Variants in CPHXL2 observed in about 807,000 individuals in gnomAD.
CPHXL2 encodes the protein cytoplasmic polyadenylated homeobox like 2, also known as cytoplasmic polyadenylated homeobox-like protein 2.
chr16:75,662,470 C>G, the CPHXL2 span, among the ~76,000 whole-genome samples: 1 of 151,992 alleles, frequency 6.6e-6, no homozygotes. Flanking sequence ...AGTCCCAACC[C>G]TCTAATCCTG....
At chr16:75,664,890 A>T in the CPHXL2 span, among the ~76,000 whole-genome samples, 3 of 152,178 alleles carry the variant, frequency 2.0e-5, no homozygotes, top group East Asian at 5.8e-4. Context: ...CTTGGTCCCC[A>T]CCAGCAAGAA....
the CPHXL2 span, among the ~76,000 whole-genome samples, chr16:75,666,608 CA>C: frequency 0.12 from 7,967 of 65,118 alleles, 126 homozygotes; most frequent in East Asian, 0.18. Context: ...AACTCTATCT[CA>C]AAAAAAAAAA....
At chr16:75,661,660 A>G in the CPHXL2 span, among the ~76,000 whole-genome samples, 1 of 151,808 alleles carries the variant, frequency 6.6e-6, no homozygotes, top group African/African-American at 2.4e-5. Context: ...TACTTTACTC[A>G]TGCTCTTCCA....
At chr16:75,671,941 T>C in the CPHXL2 span, among the ~76,000 whole-genome samples, 4 of 152,022 alleles carry the variant, frequency 2.6e-5, no homozygotes, top group East Asian at 7.7e-4. Context: ...GTGGCTAGAA[T>C]GGGGCGAGCC....
chr16:75,667,282 AGCCTGG>A, the CPHXL2 span, among the ~76,000 whole-genome samples: 1 of 150,312 alleles, frequency 6.7e-6, no homozygotes, highest in Non-Finnish European at 1.5e-5. Flanking sequence ...ACTGTACTCC[AGCCTGG>A]GCGACAGAGG....
chr16:75,667,132 T>C, the CPHXL2 span, among the ~76,000 whole-genome samples: 1 of 151,690 alleles, frequency 6.6e-6, no homozygotes, highest in Non-Finnish European at 1.5e-5. Flanking sequence ...GCCAATATGG[T>C]GAAACCCTGC....
chr16:75,676,849 C>G, the CPHXL2 span: 21 of 397,352 alleles, frequency 5.3e-5, no homozygotes, highest in Non-Finnish European at 9.3e-5. Flanking sequence ...TGTTGTACCC[C>G]CAGTGAATAA....
chr16:75,666,831 A>T, the CPHXL2 span, among the ~76,000 whole-genome samples: 2 of 152,198 alleles, frequency 1.3e-5, no homozygotes, highest in Non-Finnish European at 2.9e-5. Flanking sequence ...ATGATAGGTC[A>T]CAAAACAAGT....
the CPHXL2 span, among the ~76,000 whole-genome samples, chr16:75,663,380 CACCAAAACTCATCTTGAAACTGTAA>C: frequency 6.6e-6 from 1 of 152,144 alleles, no homozygotes; most frequent in African/African-American, 2.4e-5. Flanking sequence ...TAAATGTCCG[CACCAAAACTCATCTTGAAACTGTAA>C]ACCAAAAATA....
the CPHXL2 span, among the ~76,000 whole-genome samples, chr16:75,668,690 GA>G: frequency 5.3e-5 from 8 of 152,072 alleles, no homozygotes; most frequent in Admixed American, 4.6e-4. Flanking sequence ...TTACTTACAA[GA>G]CCTAATACCT....
At chr16:75,667,130 G>A in the CPHXL2 span, among the ~76,000 whole-genome samples, 1 of 151,986 alleles carries the variant, frequency 6.6e-6, no homozygotes, top group Admixed American at 6.6e-5. Flanking sequence ...TGGCCAATAT[G>A]GTGAAACCCT....
At chr16:75,660,460 G>A in the CPHXL2 span, 2 of 398,454 alleles carry the variant, frequency 5.0e-6, no homozygotes, top group Admixed American at 4.4e-5. Flanking sequence ...TTATTCTGAG[G>A]CAGTTGACTC....
chr16:75,663,229 C>A, the CPHXL2 span, among the ~76,000 whole-genome samples: 1 of 152,054 alleles, frequency 6.6e-6, no homozygotes, highest in Non-Finnish European at 1.5e-5. Context: ...ATTAGGAGCA[C>A]TGAAGCTACA....
the CPHXL2 span, among the ~76,000 whole-genome samples, chr16:75,674,372 C>CAAAAAAAAAA: frequency 6.0e-4 from 32 of 53,356 alleles, no homozygotes; most frequent in African/African-American, 2.0e-3. Flanking sequence ...GACTCCGTCT[C>CAAAAAAAAAA]AAAAAAAAAA....
At chr16:75,676,844 T>C in the CPHXL2 span, 2 of 397,598 alleles carry the variant, frequency 5.0e-6, no homozygotes, top group Non-Finnish European at 8.9e-6. Flanking sequence ...TGTCCTGTTG[T>C]ACCCCCAGTG....
the CPHXL2 span, among the ~76,000 whole-genome samples, chr16:75,674,245 C>T: frequency 6.7e-6 from 1 of 150,362 alleles, no homozygotes; most frequent in African/African-American, 2.4e-5. Context: ...TGGTGGCAGG[C>T]ACCTGTAGTC....
the CPHXL2 span, among the ~76,000 whole-genome samples, chr16:75,664,579 C>T: frequency 3.6e-5 from 5 of 138,978 alleles, no homozygotes; most frequent in Non-Finnish European, 6.0e-5. Context: ...GAGGTGAGAT[C>T]GTGCCATTGC....
chr16:75,660,419 G>T, the CPHXL2 span: 3 of 398,520 alleles, frequency 7.5e-6, no homozygotes, highest in Non-Finnish European at 1.3e-5. Context: ...GGGGAGGCAC[G>T]TGCTGCAGTT....
chr16:75,663,527 G>C, the CPHXL2 span, among the ~76,000 whole-genome samples: 1 of 152,174 alleles, frequency 6.6e-6, no homozygotes, highest in Non-Finnish European at 1.5e-5. Context: ...AGCCACACCT[G>C]CCTCATTATA....
Sources: gnomAD v4.1 joint callset for allele counts (sites outside exome capture counted in the v4.1 genomes callset) on GRCh38, gnomAD v4.1.1 for gene constraint, MANE v1.5 for transcripts, NCBI Gene and HGNC (gene_info 2026-07-23, HGNC 2026-07-21) for gene names.